The following DAP3 variants were observed in gnomAD, a reference collection of about 807,000 sequenced individuals.
The protein encoded by DAP3 is death associated protein 3.
Under a neutral mutation model 51.9 loss-of-function variants are expected in DAP3, and 28 were observed. The ratio of observed to expected loss-of-function variants is 0.54; its 90% CI spans 0.40 to 0.74. DAP3 has a LOEUF of 0.74. Among genes scored for constraint, DAP3 ranks in the 30% least tolerant of loss-of-function variants. The pLI, the probability that DAP3 is intolerant of heterozygous loss-of-function variation, is 0.00. For missense variants in DAP3, 458 were observed against 483.5 expected (o/e 0.95, Z 0.49); for synonymous variants, 170 against 170.3 (o/e 1.00, Z 0.01).
At position 155,699,875 on chromosome 1, in the gene DAP3, C is replaced by T. The variant is rs555496428; in HGVS notation, c.-7-9898C>T. On this transcript the variant is annotated intron_variant, in intron 1 of 12. Transcript: ENST00000368336. ...AAGCAGTCCTCCCGTCTCAGCCTCC[C>T]GAAGTGTGAGAATTACAGGTGTGAG... Among the ~76,000 whole-genome samples, 225 of 152,280 alleles carry T rather than the reference C, an allele frequency of 1.5e-3. 1 individual carries two copies. Among genetic ancestry groups the T allele is most frequent in the Non-Finnish European group, 2.4e-3 (164 of 68,024 alleles).
intron 7 of DAP3, among the ~76,000 whole-genome samples, chr1:155,728,109 T>TA (rs2149190874): frequency 6.6e-6 from 1 of 152,254 alleles, no homozygotes; most frequent in South Asian, 2.1e-4. Flanking sequence ...TGGTGATTCT[T>TA]AGATACCCTG....
intron 3 of DAP3, 133 bp from the exon 4 acceptor site, chr1:155,721,380 GTATA>G (rs909574030): frequency 1.0e-5 from 4 of 393,310 alleles, no homozygotes; most frequent in Non-Finnish European, 8.9e-6. Flanking sequence ...GTATGTATGT[GTATA>G]TATATATGTA....
intron 1 of DAP3, among the ~76,000 whole-genome samples, chr1:155,691,000 C>T (rs781436253): frequency 4.2e-5 from 6 of 142,096 alleles, no homozygotes; most frequent in Non-Finnish European, 7.3e-5. Context: ...CTCCGCCTCC[C>T]GGGTTCGCGC....
chr1:155,715,312 A>T (rs1026131851), intron 2 of DAP3, among the ~76,000 whole-genome samples: 7 of 151,754 alleles, frequency 4.6e-5, no homozygotes, highest in Non-Finnish European at 1.0e-4. Flanking sequence ...GCGTGAGTGC[A>T]GCAAGTTGGA....
intron 11 of DAP3, among the ~76,000 whole-genome samples, chr1:155,734,087 G>C (rs1351202438): frequency 6.6e-6 from 1 of 152,090 alleles, no homozygotes; most frequent in Non-Finnish European, 1.5e-5. Context: ...AGCCCGGGAG[G>C]TCAAGGCTGT....
intron 1 of DAP3, among the ~76,000 whole-genome samples, chr1:155,699,029 G>A (rs1475468263): frequency 6.6e-6 from 1 of 152,140 alleles, no homozygotes; most frequent in Admixed American, 6.5e-5. Context: ...GTCCGGTGGC[G>A]ACAAAGGAAT....
In DAP3 at chr1:155,703,082, T is replaced by C. The variant is rs569142081; in HGVS notation, c.-7-6691T>C. The stretch of plus-strand genomic sequence containing the variant: ...TAGTAAGTGTTGGAATCAGGACATA[T>C]GAGGCCTCCAAATTTGTTCCTTTTC... On this transcript the variant is annotated intron_variant, in intron 1 of 12. Transcript: ENST00000368336. Among the ~76,000 whole-genome samples, 89 of 152,360 alleles carry C rather than the reference T, an allele frequency of 5.8e-4. 1 individual carries two copies. The highest frequency in any genetic ancestry group is 2.1e-3 in the African/African-American group (86 of 41,588).
At chr1:155,727,818 G>C (rs1658778753) in intron 7 of DAP3, 80 bp downstream of exon 7, 2 of 1,424,872 alleles carry the variant, frequency 1.4e-6, no homozygotes, top group Admixed American at 4.8e-5. Context: ...AGACTATGGA[G>C]AACTGATACT....
At chr1:155,726,759 T>G (rs1452269418) in intron 6 of DAP3, 2 of 131,620 alleles carry the variant, frequency 1.5e-5, no homozygotes, top group African/African-American at 2.9e-5. Flanking sequence ...CACTCTAGCG[T>G]GGGCAACAAA....
At position 155,725,444 on chromosome 1, in the gene DAP3, C is replaced by T; in HGVS notation, c.333C>T (p.Tyr111=). 1 of 1,614,122 alleles carries T rather than the reference C, an allele frequency of 6.2e-7. No individual in the cohort carries two copies. Among genetic ancestry groups the T allele is most frequent in the Non-Finnish European group, 8.5e-7 (1 of 1,180,024 alleles). ...VRKPALELLH[Y]LKNTSFAYPA... is the part of the protein sequence containing the mutation. ...AACCAGCCCTAGAACTTCTGCATTA[C>T]CTGAAAAACACCAGTTTTGCTTATC... is the stretch of plus-strand genomic sequence containing the variant. The change falls in exon 5 of 13, where the codon TAC becomes TAT. Residue 111 remains tyrosine (Y), a synonymous_variant. Transcript: ENST00000368336.
chr1:155,711,836 C>T (rs953232383), intron 2 of DAP3, among the ~76,000 whole-genome samples: 3 of 151,178 alleles, frequency 2.0e-5, no homozygotes, highest in Non-Finnish European at 4.4e-5. Flanking sequence ...CTGAGAGCCC[C>T]TGGCAAATCA....
chr1:155,731,437 C>T, intron 10 of DAP3, 22 bp downstream of exon 10: 1 of 1,606,818 alleles, frequency 6.2e-7, no homozygotes, highest in Non-Finnish European at 8.5e-7. Flanking sequence ...TGATACCTCA[C>T]ACATTTCAGA....
Position 155,738,087 on chromosome 1 carries a change from A to G in DAP3, c.1112-70A>G, listed in dbSNP as rs111983475. 7.6e-5 allele frequency: 113 copies of G among 1,492,316 alleles called. No homozygotes were observed. In the African/African-American group the frequency reaches 9.7e-4, roughly 13 times the overall value. 92.4% of individuals were successfully genotyped at this position (1,492,316 alleles called of 1,614,324 possible). ...AATTTGGATATGGTAGCCTCTGACT[A>G]CACGATATTCTGGGGAACACAGTGC... On this transcript the variant is annotated intron_variant, in intron 12 of 12. Coordinates refer to ENST00000368336, the MANE Select transcript of DAP3 (RefSeq NM_004632.4).
intron 11 of DAP3, among the ~76,000 whole-genome samples, chr1:155,733,838 A>G (rs1659489313): frequency 6.6e-6 from 1 of 151,854 alleles, no homozygotes; most frequent in Admixed American, 6.6e-5. Flanking sequence ...CTCCGTCTCA[A>G]GAAAAACAAA....
intron 4 of DAP3, among the ~76,000 whole-genome samples, chr1:155,723,668 T>C (rs539213479): frequency 7.2e-5 from 11 of 152,330 alleles, no homozygotes; most frequent in African/African-American, 2.6e-4. Context: ...TTTTTGAACA[T>C]TGAGCCTTCC....
intron 2 of DAP3, among the ~76,000 whole-genome samples, chr1:155,711,445 A>T (rs1267971412): frequency 1.3e-5 from 2 of 152,150 alleles, no homozygotes; most frequent in Non-Finnish European, 2.9e-5. Flanking sequence ...GTGAGCCAAG[A>T]TCACGCCACT....
intron 11 of DAP3, chr1:155,736,738 T>G: frequency 1.8e-6 from 1 of 544,586 alleles, no homozygotes; most frequent in East Asian, 3.3e-5. Context: ...ATATATAGCA[T>G]TTGTGGCCAC....
At chr1:155,711,163 C>A (rs1571487331) in intron 2 of DAP3, among the ~76,000 whole-genome samples, 1 of 152,118 alleles carries the variant, frequency 6.6e-6, no homozygotes, top group African/African-American at 2.4e-5. Flanking sequence ...GGGATGGATT[C>A]TGGACTCAAC....
At chr1:155,688,684 C>G, upstream of DAP3, 1 of 1,529,606 alleles carries the variant, frequency 6.5e-7, no homozygotes, top group Non-Finnish European at 8.7e-7. Context: ...CCCAAGCCTT[C>G]TCCACCTCCT....
Sources: gnomAD v4.1 joint callset for allele counts (sites outside exome capture counted in the v4.1 genomes callset) on GRCh38, gnomAD v4.1.1 for gene constraint, MANE v1.5 for transcripts, NCBI Gene and HGNC (gene_info 2026-07-23, HGNC 2026-07-21) for gene names.